STXBP5: variants seen among roughly 807,000 people sequenced by gnomAD.
The protein encoded by STXBP5 is syntaxin-binding protein 5.
STXBP5 carries 50 observed loss-of-function variants against 152.4 expected under a neutral mutation model. That is an observed-to-expected ratio of 0.33 (90% CI 0.26 to 0.42). STXBP5 has a LOEUF of 0.42. Among genes scored for constraint, STXBP5 ranks in the 10% least tolerant of loss-of-function variants. The pLI is 1.00. For missense variants in STXBP5, 1,167 were observed against 1,388.6 expected (o/e 0.84, Z 2.54); for synonymous variants, 492 against 494.7 (o/e 0.99, Z 0.07).
chr6:147,272,540 A>G (rs1214259602), intron 7 of STXBP5, among the ~76,000 whole-genome samples: 1 of 152,198 alleles, frequency 6.6e-6, no homozygotes, highest in African/African-American at 2.4e-5. Flanking sequence ...CCAGGTGTAC[A>G]ATTTCAGATA....
chr6:147,204,765 A>C lies in STXBP5; in HGVS notation c.150+83A>C, dbSNP rs1442081267. On this transcript the variant is annotated intron_variant, in intron 1 of 27. Transcript: ENST00000321680. The surrounding 1 kb of genome is among the most constrained non-coding windows in gnomAD (Gnocchi z 4.3). ...GGGGCTACTCGGGCTTTACATGGGAATGCAAGGGAAGAGAACGCCAATAAT... is the reference window on the plus strand; with the variant it reads ...GGGGCTACTCGGGCTTTACATGGGACTGCAAGGGAAGAGAACGCCAATAAT... The C allele has an allele frequency of 1.5e-6, 2 of 1,358,288 alleles. No homozygotes were observed. The highest frequency in any genetic ancestry group is 2.0e-6 in the Non-Finnish European group (2 of 1,021,084). The allele number at this position is 1,358,288 out of a possible 1,614,324, so 84.1% of individuals were successfully genotyped here.
chr6:147,228,014 A>T (rs1777810056), intron 2 of STXBP5, among the ~76,000 whole-genome samples: 1 of 152,080 alleles, frequency 6.6e-6, no homozygotes, highest in Non-Finnish European at 1.5e-5. Context: ...GCCTCCAGTG[A>T]ATACCTCCTT....
At chr6:147,367,961 GA>G (rs953433883) in intron 25 of STXBP5, among the ~76,000 whole-genome samples, 3 of 149,718 alleles carry the variant, frequency 2.0e-5, no homozygotes, top group African/African-American at 2.5e-5. Context: ...AAGCCTCACT[GA>G]AAAAAAAATA....
chr6:147,314,376 A>G (rs1255818583), intron 13 of STXBP5, 45 bp downstream of exon 13: 1 of 1,511,368 alleles, frequency 6.6e-7, no homozygotes, highest in Non-Finnish European at 9.2e-7. Context: ...TAATAGCTAA[A>G]TATAATTGAT....
chr6:147,382,370 T>G (rs1786129403), intron 26 of STXBP5, among the ~76,000 whole-genome samples: 7 of 152,116 alleles, frequency 4.6e-5, no homozygotes, highest in Admixed American at 2.6e-4. Flanking sequence ...AAGTGTGGAG[T>G]AAGTAAACAT....
intron 19 of STXBP5, 54 bp downstream of exon 19, chr6:147,334,276 T>C: frequency 6.6e-7 from 1 of 1,505,420 alleles, no homozygotes; most frequent in East Asian, 2.3e-5. Context: ...AAATCCAAGA[T>C]AGCATACTAG....
rs951367167 is a variant in STXBP5 at position 147,236,277 on chromosome 6, T to C, written c.330+946T>C. On this transcript the variant is annotated intron_variant, in intron 3 of 27. Transcript: ENST00000321680. ...TGTTTTTAAAAACTTCAGTATCCTGTATAGAACTGTATATTAGGCATTTTA... is the reference window on the plus strand; with the variant it reads ...TGTTTTTAAAAACTTCAGTATCCTGCATAGAACTGTATATTAGGCATTTTA... Among the ~76,000 whole-genome samples, 5 of 152,300 alleles carry C rather than the reference T, an allele frequency of 3.3e-5. 1 individual carries two copies. The South Asian group carries it at 1.0e-3, about 32-fold the overall frequency.
intron 2 of STXBP5, among the ~76,000 whole-genome samples, chr6:147,233,019 T>C (rs984886620): frequency 2.6e-5 from 4 of 151,848 alleles, no homozygotes; most frequent in Admixed American, 2.0e-4. Context: ...ACCTGTTGCT[T>C]ATTCTTTACT....
At chr6:147,230,659 C>CTGTG (rs148015603) in intron 2 of STXBP5, among the ~76,000 whole-genome samples, 8 of 148,988 alleles carry the variant, frequency 5.4e-5, no homozygotes, top group Admixed American at 2.0e-4. Context: ...ATATATTTTG[C>CTGTG]TGTGTGTGTG....
chr6:147,359,330 A>AT lies in STXBP5; in HGVS notation c.2545+9dup, dbSNP rs750101039. On this transcript the variant is annotated splice_region_variant and intron_variant, in intron 23 of 27. Transcript: ENST00000321680. The stretch of plus-strand genomic sequence containing the variant: ...GTAATTGTGTCTCCAAGTGGTATGT[A>AT]TTGCTGCTGCACTTAGAGTTACATT... 6 of 1,608,792 alleles carry AT rather than the reference A, an allele frequency of 3.7e-6. No homozygotes were observed. The African/African-American group carries it at 8.0e-5, about 21-fold the overall frequency.
In STXBP5 at chr6:147,386,090, CG is replaced by C; in HGVS notation, c.*1338del. The C allele has an allele frequency of 6.6e-6, 1 of 151,880 alleles. No homozygotes were observed. The highest frequency in any genetic ancestry group is 1.5e-5 in the Non-Finnish European group (1 of 67,926). The allele number at this position is 151,880 out of a possible 1,614,324, so 9.4% of individuals were successfully genotyped here. ...ATGATTGTTTCATAGAATAGCATTA[CG>C]GGCAGGAAAGAAACCACCTAGTAGA... On this transcript the variant is annotated 3_prime_UTR_variant, in exon 28 of 28. Transcript: ENST00000321680.
rs1334786472 is a variant in STXBP5, at chr6:147,328,500, G to T, written c.2080+1224G>T. The stretch of plus-strand genomic sequence containing the variant: ...ACTGCAAATTTTACAATTCATGGGG[G>T]GTAGAATTAGGGGATATAGACCTTT... On this transcript the variant is annotated intron_variant, in intron 18 of 27. Coordinates refer to ENST00000321680, the MANE Select transcript of STXBP5 (RefSeq NM_001127715.4). Among the ~76,000 whole-genome samples the T allele has an allele frequency of 3.7e-4, 56 of 152,110 alleles. 1 individual carries two copies. The highest frequency in any genetic ancestry group is 1.5e-5 in the Non-Finnish European group (1 of 68,030).
At chr6:147,252,983 C>G (rs1779173820) in intron 4 of STXBP5, among the ~76,000 whole-genome samples, 1 of 152,238 alleles carries the variant, frequency 6.6e-6, no homozygotes, top group South Asian at 2.1e-4. Flanking sequence ...ACCCTGATAC[C>G]ACAACCTTTC....
chr6:147,329,686 C>T (rs1307412398), intron 18 of STXBP5, among the ~76,000 whole-genome samples: 8 of 114,006 alleles, frequency 7.0e-5, no homozygotes, highest in African/African-American at 2.7e-4. Context: ...ACTGCAGTGG[C>T]GCTGTCTTGG....
chr6:147,347,007 A>G (rs1784370011), intron 21 of STXBP5, among the ~76,000 whole-genome samples: 1 of 152,116 alleles, frequency 6.6e-6, no homozygotes, highest in Non-Finnish European at 1.5e-5. Context: ...ATCAGAACCT[A>G]AGGAGGCAGA....
intron 25 of STXBP5, among the ~76,000 whole-genome samples, chr6:147,372,086 G>C (rs1202648262): frequency 6.6e-6 from 1 of 152,082 alleles, no homozygotes; most frequent in Non-Finnish European, 1.5e-5. Flanking sequence ...AATTCAGAAA[G>C]TGTTTTATTC....
intron 25 of STXBP5, among the ~76,000 whole-genome samples, chr6:147,372,614 T>C (rs1037180671): frequency 1.3e-5 from 2 of 151,768 alleles, no homozygotes; most frequent in African/African-American, 4.8e-5. Context: ...TTTGTATTTT[T>C]AGTAGAGACA....
At chr6:147,351,779 C>A in intron 21 of STXBP5, 1 of 893,574 alleles carries the variant, frequency 1.1e-6, no homozygotes, top group Non-Finnish European at 1.3e-6. Flanking sequence ...ACCCCCATTC[C>A]TTCCCAGTCT....
Position 147,363,960 on chromosome 6 carries a change from A to G in STXBP5, c.2916-41A>G. 3 of 1,594,872 alleles carry G rather than the reference A, an allele frequency of 1.9e-6. No individual in the cohort carries two copies. In the South Asian group the frequency reaches 3.4e-5, roughly 18 times the overall value. ...CAATGATAGTGTGTTCAAGACTAAA[A>G]CCTACCTTATTATTAACAAGTTTTT... On this transcript the variant is annotated intron_variant, in intron 24 of 27. Transcript: ENST00000321680.
Sources: gnomAD v4.1 joint callset for allele counts (sites outside exome capture counted in the v4.1 genomes callset) on GRCh38, gnomAD v4.1.1 for gene constraint, Gnocchi (gnomAD v3.1) non-coding constraint, MANE v1.5 for transcripts, NCBI Gene and HGNC (gene_info 2026-07-23, HGNC 2026-07-21) for gene names.